Variants in NHS observed in about 807,000 individuals in gnomAD.
The protein encoded by NHS is actin remodeling regulator NHS.
Under a neutral mutation model 72.5 loss-of-function variants are expected in NHS, and 5 were observed. The ratio of observed to expected loss-of-function variants is 0.07; its 90% CI spans 0.04 to 0.14. The LOEUF (loss-of-function observed/expected upper bound fraction) is 0.14. NHS is among the 10% of genes least tolerant of loss of function. The pLI is 1.00. For missense variants in NHS, 1,072 were observed against 1,355.7 expected (o/e 0.79, Z 3.29); for synonymous variants, 464 against 547.7 (o/e 0.85, Z 2.13).
At chrX:17,437,912 AAGAG>A in intron 1 of NHS, among the ~76,000 whole-genome samples, 1 of 112,171 alleles carries the variant, frequency 8.9e-6, no homozygotes, top group African/African-American at 3.2e-5. Context: ...GAGCATTTCA[AAGAG>A]AGGGAGGGAG....
At chrX:17,660,979 A>T (rs2147092773) in intron 1 of NHS, among the ~76,000 whole-genome samples, 1 of 112,164 alleles carries the variant, frequency 8.9e-6, no homozygotes, top group South Asian at 3.7e-4. Context: ...TTTTGCTCCA[A>T]TGGAGCAAGA....
intron 1 of NHS, among the ~76,000 whole-genome samples, chrX:17,491,329 A>T (rs886792324): frequency 9.0e-6 from 1 of 111,722 alleles, no homozygotes; most frequent in Non-Finnish European, 1.9e-5. Context: ...TTTAGCATGA[A>T]GGGGTGTTGA....
In NHS at chrX:17,521,366, C is replaced by CTTTTTTTTTTTTTTTTTTTTTTTTTT. The variant is rs766662277; in HGVS notation, c.565+145057_565+145058insTTTTTTTTTTTTTTTTTTTTTTTTTT. ...AGTTCTACCTTTTTCTCCCTTCCCT[C>CTTTTTTTTTTTTTTTTTTTTTTTTTT]TTTTTTTTTTTTTGAGACAGGGTCT... On this transcript the variant is annotated intron_variant, in intron 1 of 8. Coordinates refer to ENST00000676302, the MANE Select transcript of NHS (RefSeq NM_001291867.2). 2.0e-4 allele frequency among the ~76,000 whole-genome samples: 19 copies of CTTTTTTTTTTTTTTTTTTTTTTTTTT among 97,364 alleles called. 2 individuals are homozygous for CTTTTTTTTTTTTTTTTTTTTTTTTTT. The highest frequency in any genetic ancestry group is 7.3e-4 in the African/African-American group (17 of 23,134). The allele number at this position is 97,364 out of a possible 115,157, so 84.5% of individuals were successfully genotyped here.
intron 1 of NHS, among the ~76,000 whole-genome samples, chrX:17,572,426 T>C (rs1375732135): frequency 9.1e-6 from 1 of 109,958 alleles, no homozygotes; most frequent in Non-Finnish European, 1.9e-5. Context: ...TATAATGGCC[T>C]TCTTTGTCTC....
intron 3 of NHS, among the ~76,000 whole-genome samples, chrX:17,707,932 C>T (rs1319384230): frequency 9.0e-6 from 1 of 111,566 alleles, no homozygotes; most frequent in South Asian, 3.8e-4. Flanking sequence ...GATCAAGCCT[C>T]GCCTTTGCTA....
At chrX:17,680,245 G>T (rs1390909216) in intron 1 of NHS, among the ~76,000 whole-genome samples, 2 of 112,567 alleles carry the variant, frequency 1.8e-5, no homozygotes, top group African/African-American at 6.5e-5. Context: ...GAAGGGTGCA[G>T]AAGCTAGGCT....
At chrX:17,454,692 G>C (rs2064818937) in intron 1 of NHS, among the ~76,000 whole-genome samples, 1 of 112,071 alleles carries the variant, frequency 8.9e-6, no homozygotes, top group Non-Finnish European at 1.9e-5. Context: ...GTATTAAGTT[G>C]CCTTCTAGAA....
At chrX:17,396,272 A>G (rs751839995) in intron 1 of NHS, among the ~76,000 whole-genome samples, 1 of 111,282 alleles carries the variant, frequency 9.0e-6, no homozygotes, top group African/African-American at 3.3e-5. Flanking sequence ...CAATACTTGT[A>G]TTTTCTTGTG....
intron 1 of NHS, among the ~76,000 whole-genome samples, chrX:17,593,353 G>C (rs1048339307): frequency 5.4e-5 from 6 of 110,949 alleles, no homozygotes; most frequent in African/African-American, 2.0e-4. Context: ...ATAGTAAGCA[G>C]ATTAAGAATC....
intron 1 of NHS, among the ~76,000 whole-genome samples, chrX:17,539,908 G>A (rs184816656): frequency 2.7e-4 from 30 of 112,287 alleles, no homozygotes; most frequent in African/African-American, 9.1e-4. Flanking sequence ...AGCAAACCCT[G>A]AAGCCACATG....
At chrX:17,534,059 G>A (rs1032400881) in intron 1 of NHS, among the ~76,000 whole-genome samples, 1 of 110,500 alleles carries the variant, frequency 9.0e-6, no homozygotes, top group African/African-American at 3.3e-5. Context: ...CTACTGAGAG[G>A]AAGAAAGCCT....
chrX:17,393,803 T>G (rs914008172), intron 1 of NHS, among the ~76,000 whole-genome samples: 2 of 111,558 alleles, frequency 1.8e-5, no homozygotes, highest in African/African-American at 6.5e-5. Context: ...GAGGGTTTAT[T>G]CTTGTGGTTC....
At chrX:17,716,680 G>A (rs2066365926) in intron 3 of NHS, among the ~76,000 whole-genome samples, 2 of 111,617 alleles carry the variant, frequency 1.8e-5, no homozygotes, top group African/African-American at 3.3e-5. Flanking sequence ...AACTGGGCCC[G>A]AGGAGGAGAC....
In NHS at chrX:17,525,900, C is replaced by A. The variant is rs781322703; in HGVS notation, c.565+149578C>A. On this transcript the variant is annotated intron_variant, in intron 1 of 8. Coordinates refer to ENST00000676302, the MANE Select transcript of NHS (RefSeq NM_001291867.2). ...TCAGAACAGCACCAAAAGCTATAAG[C>A]GGACATGAAGGAAAAGCAGCTGTTT... is the stretch of plus-strand genomic sequence containing the variant. 1.1e-4 allele frequency among the ~76,000 whole-genome samples: 12 copies of A among 111,166 alleles called. No individual in the cohort carries two copies. In the South Asian group the frequency reaches 4.5e-3, roughly 42 times the overall value.
rs1569297716 is a variant in NHS at position 17,635,387 on chromosome X, A to G, written c.566-52355A>G. ...CCCTCCAGGGGGGAGTCCTAGATGCAGCACAGAGGTTCTGTGAAAATCTGC... is the reference window on the plus strand; with the variant it reads ...CCCTCCAGGGGGGAGTCCTAGATGCGGCACAGAGGTTCTGTGAAAATCTGC... On this transcript the variant is annotated intron_variant, in intron 1 of 8. Coordinates refer to ENST00000676302, the MANE Select transcript of NHS (RefSeq NM_001291867.2). 2.6e-6 allele frequency: 3 copies of G among 1,150,601 alleles called. No individual in the cohort carries two copies. Among genetic ancestry groups the G allele is most frequent in the Non-Finnish European group, 2.3e-6 (2 of 866,080 alleles). The allele number at this position is 1,150,601 out of a possible 1,213,427, so 94.8% of individuals were successfully genotyped here.
chrX:17,605,307 C>T (rs1189836328), intron 1 of NHS, among the ~76,000 whole-genome samples: 2 of 111,864 alleles, frequency 1.8e-5, no homozygotes, highest in Non-Finnish European at 3.8e-5. Context: ...ATTGTATTTG[C>T]TTGCACCATC....
chrX:17,559,960 ACT>A (rs1011288045), intron 1 of NHS, among the ~76,000 whole-genome samples: 6 of 109,823 alleles, frequency 5.5e-5, no homozygotes, highest in African/African-American at 2.0e-4. Flanking sequence ...TCTGAAGTAA[ACT>A]CTTTACCCTG....
chrX:17,561,678 G>C (rs1038047898), intron 1 of NHS, among the ~76,000 whole-genome samples: 1 of 104,528 alleles, frequency 9.6e-6, no homozygotes, highest in Non-Finnish European at 1.9e-5. Context: ...TGGGCTTGGA[G>C]AGCCGTCCAC....
At chrX:17,575,826 G>A (rs764905276) in intron 1 of NHS, among the ~76,000 whole-genome samples, 7 of 111,643 alleles carry the variant, frequency 6.3e-5, no homozygotes, top group Non-Finnish European at 1.3e-4. Flanking sequence ...AGCATGAAGG[G>A]TTATGGCTGG....
Sources: allele counts gnomAD v4.1 joint callset (sites outside exome capture counted in the v4.1 genomes callset), GRCh38; gene constraint gnomAD v4.1.1; transcripts MANE v1.5; gene names NCBI Gene and HGNC (gene_info 2026-07-23, HGNC 2026-07-21).